The following CNTNAP2 variants were observed in gnomAD, a reference collection of about 807,000 sequenced individuals.
CNTNAP2 encodes contactin-associated protein-like 2.
Under a neutral mutation model 155.2 loss-of-function variants are expected in CNTNAP2, and 98 were observed. The observed-to-expected ratio is 0.63, with a 90% CI of 0.54 to 0.75. The LOEUF (loss-of-function observed/expected upper bound fraction) is 0.75. Among genes scored for constraint, CNTNAP2 ranks in the 30% least tolerant of loss-of-function variants. CNTNAP2 has a pLI of 0.00. For synonymous variants in CNTNAP2, 651 were observed against 631.2 expected (o/e 1.03, Z -0.47); for missense variants, 1,727 against 1,688.1 (o/e 1.02, Z -0.40).
chr7:147,293,268 A>G (rs985286337), intron 8 of CNTNAP2, among the ~76,000 whole-genome samples: 1 of 152,182 alleles, frequency 6.6e-6, no homozygotes, highest in Non-Finnish European at 1.5e-5. Flanking sequence ...TACCTGCCCA[A>G]GCACCTTTTT....
At chr7:147,369,156 G>T (rs1054778604) in intron 9 of CNTNAP2, among the ~76,000 whole-genome samples, 1 of 152,158 alleles carries the variant, frequency 6.6e-6, no homozygotes, top group Admixed American at 6.5e-5. Context: ...ACAAAGTAAA[G>T]GATATTTTAT....
intron 1 of CNTNAP2, among the ~76,000 whole-genome samples, chr7:146,601,564 TA>T: frequency 6.6e-6 from 1 of 152,168 alleles, no homozygotes; most frequent in East Asian, 1.9e-4. Flanking sequence ...TATGTTAATA[TA>T]AAAGTAAAAA....
intron 15 of CNTNAP2, among the ~76,000 whole-genome samples, chr7:148,040,919 A>T (rs1383544052): frequency 1.3e-5 from 2 of 152,012 alleles, no homozygotes; most frequent in Admixed American, 1.3e-4. Context: ...AGGCAGGAGG[A>T]TCATTGGAGG....
chr7:147,352,862 C>G (rs1795989852), intron 9 of CNTNAP2, among the ~76,000 whole-genome samples: 1 of 151,874 alleles, frequency 6.6e-6, no homozygotes. Flanking sequence ...CAGCAGTTCA[C>G]TATGCACAGC....
intron 1 of CNTNAP2, among the ~76,000 whole-genome samples, chr7:146,503,380 A>T (rs188745876): frequency 1.7e-4 from 26 of 152,286 alleles, no homozygotes; most frequent in African/African-American, 6.3e-4. Flanking sequence ...AACATTATGA[A>T]ATTTATTGGC....
At chr7:147,109,151 T>C (rs1800825755) in intron 5 of CNTNAP2, among the ~76,000 whole-genome samples, 1 of 152,230 alleles carries the variant, frequency 6.6e-6, no homozygotes, top group Non-Finnish European at 1.5e-5. Context: ...GAAGAATTAC[T>C]TGTGTAGATA....
At chr7:148,095,727 A>G (rs185698453) in intron 15 of CNTNAP2, among the ~76,000 whole-genome samples, 7 of 152,334 alleles carry the variant, frequency 4.6e-5, no homozygotes, top group Admixed American at 1.3e-4. Context: ...GAAAAATAAT[A>G]TGAAGAAAAT....
At chr7:148,178,102 A>G (rs1047707290) in intron 18 of CNTNAP2, among the ~76,000 whole-genome samples, 1 of 152,174 alleles carries the variant, frequency 6.6e-6, no homozygotes, top group African/African-American at 2.4e-5. Context: ...TGTGAATTGG[A>G]TATCACCCAG....
intron 14 of CNTNAP2, among the ~76,000 whole-genome samples, chr7:147,943,766 CAAAAAAAAAAAAAAAAAA>C (rs144842680): frequency 5.0e-5 from 2 of 40,134 alleles, no homozygotes; most frequent in Non-Finnish European, 8.2e-5. Flanking sequence ...GACCCCGTCT[CAAAAAAAAAAAAAAAAAA>C]AAAAAAAAAA....
At chr7:148,242,084 A>G (rs999752472) in intron 20 of CNTNAP2, among the ~76,000 whole-genome samples, 6 of 152,204 alleles carry the variant, frequency 3.9e-5, no homozygotes, top group African/African-American at 7.2e-5. Flanking sequence ...TCACCTCTCA[A>G]GAAAGAACAT....
chr7:147,426,518 T>C (rs1797380815), intron 10 of CNTNAP2, among the ~76,000 whole-genome samples: 1 of 152,174 alleles, frequency 6.6e-6, no homozygotes, highest in African/African-American at 2.4e-5. Flanking sequence ...TTTCTTTCAA[T>C]TTCTATTCTA....
intron 12 of CNTNAP2, among the ~76,000 whole-genome samples, chr7:147,577,692 T>C (rs1480064632): frequency 1.3e-5 from 2 of 151,826 alleles, no homozygotes; most frequent in East Asian, 3.9e-4. Context: ...TCTCAATAGC[T>C]ACCCCATTTT....
intron 1 of CNTNAP2, among the ~76,000 whole-genome samples, chr7:146,266,609 A>G (rs1799997796): frequency 6.6e-6 from 1 of 152,202 alleles, no homozygotes; most frequent in South Asian, 2.1e-4. Context: ...TTAAAGAGAA[A>G]AAAGAAAAGG....
intron 1 of CNTNAP2, among the ~76,000 whole-genome samples, chr7:146,677,890 T>C (rs1379582027): frequency 6.6e-6 from 1 of 151,906 alleles, no homozygotes; most frequent in Admixed American, 6.6e-5. Context: ...GGGGTTGGGA[T>C]GTGGAGTGTT....
At position 148,252,334 on chromosome 7, in the gene CNTNAP2, G is replaced by T. The variant is rs116140531; in HGVS notation, c.3382-14699G>T. Among the ~76,000 whole-genome samples the T allele has an allele frequency of 2.6e-5, 4 of 152,208 alleles. No homozygotes were observed. The South Asian group carries it at 8.3e-4, about 32-fold the overall frequency. On this transcript the variant is annotated intron_variant, in intron 20 of 23. Coordinates refer to ENST00000361727, the MANE Select transcript of CNTNAP2 (RefSeq NM_014141.6). ...AACGTAGCTACACATGAACTAATTC[G>T]TCAGCCCCTTAGGGTCTTGATCAGG...
intron 8 of CNTNAP2, among the ~76,000 whole-genome samples, chr7:147,265,124 C>T (rs1050212167): frequency 5.9e-5 from 9 of 152,178 alleles, no homozygotes; most frequent in African/African-American, 9.7e-5. Context: ...TAAATTCTAG[C>T]TCCTGACAAG....
At chr7:147,781,463 G>A (rs1797660671) in intron 13 of CNTNAP2, among the ~76,000 whole-genome samples, 2 of 152,294 alleles carry the variant, frequency 1.3e-5, no homozygotes, top group Middle Eastern at 3.4e-3. Flanking sequence ...GGATAGTGCT[G>A]ACGGGGTTCA....
chr7:146,369,021 A>T (rs894458980), intron 1 of CNTNAP2, among the ~76,000 whole-genome samples: 2 of 130,246 alleles, frequency 1.5e-5, no homozygotes, highest in African/African-American at 3.1e-5. Flanking sequence ...TTGGAATAAA[A>T]GCATTATGTA....
At chr7:148,286,969 A>G (rs1797095590) in intron 21 of CNTNAP2, among the ~76,000 whole-genome samples, 1 of 152,172 alleles carries the variant, frequency 6.6e-6, no homozygotes, top group Non-Finnish European at 1.5e-5. Context: ...TGGGCCGTAC[A>G]TTCTCTGGGT....
Sources: allele counts gnomAD v4.1 joint callset (sites outside exome capture counted in the v4.1 genomes callset), GRCh38; gene constraint gnomAD v4.1.1; transcripts MANE v1.5; gene names NCBI Gene and HGNC (gene_info 2026-07-23, HGNC 2026-07-21).